Variants in CDC40 observed in about 807,000 individuals in gnomAD.
The protein encoded by CDC40 is pre-mRNA-processing factor 17.
CDC40 carries 27 observed loss-of-function variants against 80.6 expected under a neutral mutation model. The ratio of observed to expected loss-of-function variants is 0.33; its 90% CI spans 0.25 to 0.46. The LOEUF is 0.46. Ranked by LOEUF, CDC40 falls within the 20% of genes least tolerant of loss-of-function variation. CDC40 has a pLI of 1.00. For missense variants in CDC40, 486 were observed against 694.1 expected, an observed-to-expected ratio of 0.70 and a Z score of 3.37; for synonymous variants, 221 against 232.6, an observed-to-expected ratio of 0.95 and a Z score of 0.45.
chr6:110,225,022 A>G (rs2114673397), intron 12 of CDC40, among the ~76,000 whole-genome samples: 1 of 152,336 alleles, frequency 6.6e-6, no homozygotes, highest in Non-Finnish European at 1.5e-5. Context: ...TTGGTACCAT[A>G]GAGGTATAAA....
intron 13 of CDC40, 139 bp from the exon 14 acceptor site, chr6:110,228,693 G>A (rs1477017706): frequency 1.9e-5 from 11 of 583,962 alleles, no homozygotes; most frequent in Non-Finnish European, 2.8e-5. Flanking sequence ...TTTACAGGTG[G>A]TATAGTAAAT....
chr6:110,203,386 A>G (rs1173658674), intron 3 of CDC40, among the ~76,000 whole-genome samples: 1 of 152,142 alleles, frequency 6.6e-6, no homozygotes, highest in African/African-American at 2.4e-5. Context: ...ATCTTTCCAC[A>G]TGAAATGTAA....
rs940014307 is a variant in CDC40, at chr6:110,194,413, T to C, written c.276+1145T>C. 5.3e-5 allele frequency among the ~76,000 whole-genome samples: 8 copies of C among 152,182 alleles called. No individual in the cohort carries two copies. In the East Asian group the frequency reaches 1.2e-3, roughly 22 times the overall value. On this transcript the variant is annotated intron_variant, in intron 2 of 14. Transcript: ENST00000307731. ...ATGTTAGAGTCAGAGCTGTTTCATA[T>C]AGTACTTTTCCTGCCTAGGTTTCTG... is the stretch of plus-strand genomic sequence containing the variant.
At chr6:110,196,992 A>G (rs1339071076) in intron 2 of CDC40, among the ~76,000 whole-genome samples, 1 of 152,214 alleles carries the variant, frequency 6.6e-6, no homozygotes, top group Non-Finnish European at 1.5e-5. Flanking sequence ...ACTTACAACT[A>G]TGATTTTATT....
chr6:110,196,690 C>T (rs1450737738), intron 2 of CDC40, among the ~76,000 whole-genome samples: 1 of 151,810 alleles, frequency 6.6e-6, no homozygotes, highest in Non-Finnish European at 1.5e-5. Flanking sequence ...TAGCTCAAAT[C>T]TTCTATTTGT....
intron 1 of CDC40, among the ~76,000 whole-genome samples, chr6:110,185,391 C>G (rs1008425873): frequency 2.0e-5 from 3 of 151,150 alleles, no homozygotes; most frequent in Admixed American, 2.0e-4. Flanking sequence ...TACAGGCGCC[C>G]GCCACTACGC....
intron 3 of CDC40, among the ~76,000 whole-genome samples, chr6:110,202,820 C>T (rs1342966900): frequency 6.7e-6 from 1 of 149,474 alleles, no homozygotes; most frequent in African/African-American, 2.5e-5. Context: ...ATTAGGCAGC[C>T]TAAAATAAAG....
At chr6:110,224,664 C>T (rs1777827927) in intron 12 of CDC40, among the ~76,000 whole-genome samples, 1 of 152,218 alleles carries the variant, frequency 6.6e-6, no homozygotes, top group Admixed American at 6.5e-5. Flanking sequence ...GCTGGGATTA[C>T]AGATGTGACC....
At chr6:110,197,744 G>A (rs1777437060) in intron 2 of CDC40, among the ~76,000 whole-genome samples, 1 of 152,142 alleles carries the variant, frequency 6.6e-6, no homozygotes, top group Non-Finnish European at 1.5e-5. Flanking sequence ...AATCTATGCT[G>A]TCAGAAATGA....
chr6:110,192,246 C>T (rs1777361863), intron 1 of CDC40, among the ~76,000 whole-genome samples: 1 of 152,152 alleles, frequency 6.6e-6, no homozygotes, highest in African/African-American at 2.4e-5. Flanking sequence ...AACCCAGATA[C>T]AAGATGTTAA....
At chr6:110,222,068 C>T (rs1777784784) in intron 12 of CDC40, among the ~76,000 whole-genome samples, 1 of 150,302 alleles carries the variant, frequency 6.7e-6, no homozygotes. Flanking sequence ...CCAGCCTGGG[C>T]AACATTGTAA....
At chr6:110,220,678 C>T (rs1777763013) in intron 12 of CDC40, among the ~76,000 whole-genome samples, 1 of 152,096 alleles carries the variant, frequency 6.6e-6, no homozygotes, top group South Asian at 2.1e-4. Flanking sequence ...ATTTCCTGAC[C>T]TTATGATCCG....
intron 1 of CDC40, among the ~76,000 whole-genome samples, chr6:110,181,264 A>G (rs1007495476): frequency 3.9e-5 from 6 of 152,272 alleles, no homozygotes; most frequent in Non-Finnish European, 5.9e-5. Flanking sequence ...AAACAGCTGC[A>G]TGATCTCAAT....
intron 8 of CDC40, among the ~76,000 whole-genome samples, chr6:110,214,175 C>T (rs951869051): frequency 9.2e-5 from 14 of 152,004 alleles, no homozygotes; most frequent in African/African-American, 3.1e-4. Context: ...GTAAAAACCC[C>T]CATTTTACTT....
At chr6:110,201,749 G>A (rs1777496262) in intron 3 of CDC40, 62 bp downstream of exon 3, 1 of 1,422,962 alleles carries the variant, frequency 7.0e-7, no homozygotes, top group South Asian at 1.3e-5. Flanking sequence ...ATCTGTGTGT[G>A]TTAGTCTGTT....
At chr6:110,188,345 T>A (rs1232037218) in intron 1 of CDC40, among the ~76,000 whole-genome samples, 2 of 152,196 alleles carry the variant, frequency 1.3e-5, no homozygotes, top group Non-Finnish European at 2.9e-5. Context: ...AGCATTTAAT[T>A]TAGCTTTTAT....
chr6:110,208,500 T>C (rs1200174963), intron 4 of CDC40, among the ~76,000 whole-genome samples: 1 of 152,178 alleles, frequency 6.6e-6, no homozygotes, highest in African/African-American at 2.4e-5. Flanking sequence ...ACTGTTAACG[T>C]TAATGATATT....
Position 110,210,781 on chromosome 6 carries a change from G to A in CDC40, c.705G>A (p.Gly235=). 6.4e-7 allele frequency: 1 copy of A among 1,565,588 alleles called. No individual in the cohort carries two copies. Among genetic ancestry groups the A allele is most frequent in the Non-Finnish European group, 8.6e-7 (1 of 1,156,494 alleles). The part of the protein sequence containing the change: ...KKGKQEEEKP[G]EEKTILHVKE... ...GAAAACAGGAAGAAGAGAAACCTGG[G>A]GAGGAGAAGACAATCTTACATGGTA... is the stretch of plus-strand genomic sequence containing the variant. Residue 235 remains glycine, a synonymous_variant, in exon 6 of 15, where the codon GGG becomes GGA. Transcript: ENST00000307731.
At chr6:110,187,903 A>G (rs565185125) in intron 1 of CDC40, among the ~76,000 whole-genome samples, 1 of 152,230 alleles carries the variant, frequency 6.6e-6, no homozygotes, top group Non-Finnish European at 1.5e-5. Flanking sequence ...TTCCAATTGC[A>G]TACCTAATTG....
Sources: allele counts gnomAD v4.1 joint callset (sites outside exome capture counted in the v4.1 genomes callset), GRCh38; gene constraint gnomAD v4.1.1; transcripts MANE v1.5; gene names NCBI Gene and HGNC (gene_info 2026-07-23, HGNC 2026-07-21).